NUP210L: variants seen among roughly 807,000 people sequenced by gnomAD.
NUP210L encodes the protein nuclear pore membrane glycoprotein 210-like.
In NUP210L, 74 loss-of-function variants were observed where a neutral mutation model predicts 208.5. The observed-to-expected ratio is 0.35, with a 90% CI of 0.29 to 0.43. NUP210L has a LOEUF of 0.43. Among genes scored for constraint, NUP210L ranks in the 20% least tolerant of loss-of-function variants. NUP210L has a pLI of 1.00. For synonymous variants in NUP210L, 780 were observed against 816.9 expected (o/e 0.95, Z 0.77); for missense variants, 1,843 against 2,289.4 (o/e 0.81, Z 3.98).
chr1:154,150,502 T>A (rs1428072061), intron 2 of NUP210L, among the ~76,000 whole-genome samples: 1 of 151,718 alleles, frequency 6.6e-6, no homozygotes, highest in Non-Finnish European at 1.5e-5. Context: ...CCAAGGCGGG[T>A]GGATCACTTA....
At chr1:154,023,269 C>T (rs916221863) in exon 31 of NUP210L, 2 of 1,611,674 alleles carry the variant, frequency 1.2e-6, no homozygotes. Context: ...GGGTTGGCTG[C>T]TCACTCGCAG....
chr1:154,028,050 A>G (rs768242654), intron 28 of NUP210L, among the ~76,000 whole-genome samples: 17 of 152,144 alleles, frequency 1.1e-4, no homozygotes, highest in Non-Finnish European at 1.8e-4. Flanking sequence ...TCTACTTCAC[A>G]TGGAATCAGA....
chr1:154,089,903 C>T (rs1655817156), intron 15 of NUP210L, among the ~76,000 whole-genome samples: 1 of 151,824 alleles, frequency 6.6e-6, no homozygotes, highest in Non-Finnish European at 1.5e-5. Flanking sequence ...ATAGTAAGAC[C>T]CCATCTCTAC....
chr1:154,137,380 G>T (rs747319261), intron 6 of NUP210L, among the ~76,000 whole-genome samples: 22 of 152,006 alleles, frequency 1.4e-4, no homozygotes, highest in Non-Finnish European at 2.2e-4. Flanking sequence ...GTGAAACCCC[G>T]TCTCTACTAA....
Position 154,061,613 on chromosome 1 carries a change from C to T in NUP210L, c.2616G>A (p.Val872=), listed in dbSNP as rs374509544. The change falls in exon 18 of 40, where the codon GTG becomes GTA. Residue 872 remains valine, a synonymous_variant. Transcript: ENST00000368559. ...TTGGGCTTTTCTTCTCTGAATAGCC[C>T]ACAAAATTGACTCCAATCAGTACAG... 8 of 1,606,078 alleles carry T rather than the reference C, an allele frequency of 5.0e-6. No homozygotes were observed. The African/African-American group carries it at 6.7e-5, about 13-fold the overall frequency.
chr1:154,052,451 T>C (rs1241944133), intron 25 of NUP210L, among the ~76,000 whole-genome samples: 1 of 152,090 alleles, frequency 6.6e-6, no homozygotes, highest in African/African-American at 2.4e-5. Context: ...ATCAAGAAGC[T>C]GTCAAAGATG....
intron 14 of NUP210L, among the ~76,000 whole-genome samples, chr1:154,096,974 G>A (rs1331800318): frequency 6.6e-6 from 1 of 152,128 alleles, no homozygotes; most frequent in Non-Finnish European, 1.5e-5. Context: ...CCACCCACTT[G>A]GGAGGCTGAG....
intron 33 of NUP210L, among the ~76,000 whole-genome samples, chr1:154,014,774 C>G (rs1159007781): frequency 6.6e-6 from 1 of 152,110 alleles, no homozygotes; most frequent in Non-Finnish European, 1.5e-5. Context: ...GAGGCTGAGG[C>G]AGGCAGATCA....
At chr1:154,139,163 G>A (rs1470921669) in intron 5 of NUP210L, among the ~76,000 whole-genome samples, 1 of 152,084 alleles carries the variant, frequency 6.6e-6, no homozygotes, top group Non-Finnish European at 1.5e-5. Flanking sequence ...AGATATTCGG[G>A]AGGCTGAGGC....
intron 10 of NUP210L, among the ~76,000 whole-genome samples, chr1:154,123,293 G>A (rs1038725485): frequency 1.3e-5 from 2 of 152,068 alleles, no homozygotes; most frequent in Non-Finnish European, 2.9e-5. Context: ...TTATAGGCAC[G>A]CGCCACCACG....
chr1:154,047,889 AG>A (rs2147974451), intron 25 of NUP210L, among the ~76,000 whole-genome samples: 1 of 152,226 alleles, frequency 6.6e-6, no homozygotes, highest in Non-Finnish European at 1.5e-5. Flanking sequence ...CCTGGGTCAA[AG>A]GGTCATTGGA....
At chr1:154,060,819 T>C in intron 19 of NUP210L, 123 bp downstream of exon 19, 1 of 756,952 alleles carries the variant, frequency 1.3e-6, no homozygotes, top group Non-Finnish European at 2.2e-6. Flanking sequence ...ATTATATATG[T>C]GTTTTACATA....
chr1:154,058,528 C>T (rs1653987768), intron 21 of NUP210L, 37 bp downstream of exon 21: 1 of 1,603,994 alleles, frequency 6.2e-7, no homozygotes, highest in Admixed American at 1.7e-5. Context: ...GAGAATAAGT[C>T]TTGCTTAATT....
intron 15 of NUP210L, among the ~76,000 whole-genome samples, chr1:154,093,385 GC>G (rs1376082122): frequency 6.6e-6 from 1 of 151,950 alleles, no homozygotes; most frequent in African/African-American, 2.4e-5. Flanking sequence ...CCAAGATTGT[GC>G]CATTGCACTC....
chr1:154,099,366 G>A (rs567574288), intron 14 of NUP210L, among the ~76,000 whole-genome samples: 39 of 152,240 alleles, frequency 2.6e-4, no homozygotes, highest in African/African-American at 6.0e-4. Flanking sequence ...ACTTGGCGTC[G>A]GTTCCAAACG....
intron 12 of NUP210L, among the ~76,000 whole-genome samples, chr1:154,104,938 C>T (rs1656671677): frequency 6.6e-6 from 1 of 152,064 alleles, no homozygotes; most frequent in African/African-American, 2.4e-5. Flanking sequence ...CCCAGGTGCA[C>T]AGCTCATAAC....
chr1:154,066,512 G>A (rs1654423539), intron 17 of NUP210L, among the ~76,000 whole-genome samples: 1 of 152,204 alleles, frequency 6.6e-6, no homozygotes, highest in Non-Finnish European at 1.5e-5. Flanking sequence ...TCAGGAGGCT[G>A]AGGCAGGAGA....
At chr1:154,082,350 G>A (rs1158049382) in intron 16 of NUP210L, among the ~76,000 whole-genome samples, 3 of 152,156 alleles carry the variant, frequency 2.0e-5, no homozygotes, top group South Asian at 2.1e-4. Context: ...TATTGCCAAA[G>A]GTCAATCTAT....
intron 12 of NUP210L, among the ~76,000 whole-genome samples, chr1:154,109,756 A>G (rs938178916): frequency 2.6e-5 from 4 of 151,726 alleles, no homozygotes; most frequent in Non-Finnish European, 5.9e-5. Context: ...AATTTTGGAA[A>G]CTATACAAAC....
Sources: gnomAD v4.1 joint callset for allele counts (sites outside exome capture counted in the v4.1 genomes callset) on GRCh38, gnomAD v4.1.1 for gene constraint, MANE v1.5 for transcripts, NCBI Gene and HGNC (gene_info 2026-07-23, HGNC 2026-07-21) for gene names.